S100Z: variants seen among roughly 807,000 people sequenced by gnomAD.
S100Z encodes S100 calcium binding protein Z.
Under a neutral mutation model 8.5 loss-of-function variants are expected in S100Z, and 11 were observed. The observed-to-expected ratio is 1.30, with a 90% CI of 0.82 to 2.15. The LOEUF (loss-of-function observed/expected upper bound fraction) is 2.15, where lower values mean the gene tolerates loss of function less well. S100Z is among the 30% of genes most tolerant of loss of function. S100Z has a pLI of 0.00. For synonymous variants in S100Z, 34 were observed against 43.8 expected, an observed-to-expected ratio of 0.78 and a Z score of 0.89; for missense variants, 126 against 117.9, an observed-to-expected ratio of 1.07 and a Z score of -0.32.
intron 4 of S100Z, among the ~76,000 whole-genome samples, chr5:76,898,176 G>A (rs1420998609): frequency 4.7e-5 from 7 of 149,924 alleles, no homozygotes; most frequent in Non-Finnish European, 1.5e-5. Context: ...TTGAGATGGA[G>A]TTTAGCTCTT....
chr5:76,922,589 G>A (rs1019900705), downstream of S100Z, among the ~76,000 whole-genome samples: 4 of 151,640 alleles, frequency 2.6e-5, no homozygotes, highest in East Asian at 1.9e-4. Context: ...GCAGTGGCAC[G>A]ATCGGCTGAC....
intron 3 of S100Z, among the ~76,000 whole-genome samples, chr5:76,876,786 A>G (rs973933853): frequency 6.6e-6 from 1 of 152,208 alleles, no homozygotes; most frequent in Non-Finnish European, 1.5e-5. Context: ...GTTTTGATCA[A>G]TTAAGTTTTT....
chr5:76,889,451 G>T (rs117535624), intron 4 of S100Z, among the ~76,000 whole-genome samples: 1 of 152,064 alleles, frequency 6.6e-6, no homozygotes, highest in East Asian at 1.9e-4. Context: ...TCGACATTTC[G>T]CAGGGGCCTT....
chr5:76,926,203 A>C (rs990997656), downstream of S100Z, among the ~76,000 whole-genome samples: 1 of 152,080 alleles, frequency 6.6e-6, no homozygotes, highest in Non-Finnish European at 1.5e-5. Context: ...GCCTAACTGC[A>C]GATATTAAGG....
At chr5:76,898,933 C>CTTTTTTTTT (rs56287065) in intron 4 of S100Z, among the ~76,000 whole-genome samples, 3 of 109,948 alleles carry the variant, frequency 2.7e-5, no homozygotes, top group African/African-American at 3.6e-5. Context: ...CTTTTCTTTT[C>CTTTTTTTTT]TTTTTTTTTT....
At chr5:76,857,694 T>A (rs373233580) in intron 1 of S100Z, among the ~76,000 whole-genome samples, 22 of 152,030 alleles carry the variant, frequency 1.4e-4, no homozygotes, top group African/African-American at 5.1e-4. Flanking sequence ...AGAGACGGGG[T>A]TTTGCCATGT....
At chr5:76,871,866 A>T (rs1436111085) in intron 2 of S100Z, among the ~76,000 whole-genome samples, 1 of 152,048 alleles carries the variant, frequency 6.6e-6, no homozygotes, top group African/African-American at 2.4e-5. Flanking sequence ...TAAGCCCCAT[A>T]CCCCTGCCTT....
chr5:76,883,843 T>G lies in S100Z; in HGVS notation c.*2+6009T>G, dbSNP rs536680269. ...GCCCAGTGGCCAGATTTCCAGCACT[T>G]GTAGCAAGCTCCTGGGGAAGGAGTT... On this transcript the variant is annotated intron_variant, in intron 4 of 4. Transcript: ENST00000317593. 7.2e-4 allele frequency among the ~76,000 whole-genome samples: 109 copies of G among 152,294 alleles called. 1 individual carries two copies. Among genetic ancestry groups the G allele is most frequent in the African/African-American group, 2.5e-3 (102 of 41,566 alleles).
At chr5:76,860,824 C>T (rs974217143) in intron 1 of S100Z, among the ~76,000 whole-genome samples, 12 of 152,174 alleles carry the variant, frequency 7.9e-5, no homozygotes, top group African/African-American at 2.9e-4. Flanking sequence ...GAAACAGCGC[C>T]TTCTCCTGTA....
chr5:76,900,736 T>A (rs183965471), intron 4 of S100Z, among the ~76,000 whole-genome samples: 1 of 151,690 alleles, frequency 6.6e-6, no homozygotes, highest in Admixed American at 6.6e-5. Context: ...CCCTGGTGAC[T>A]TATTTAGTTC....
intron 4 of S100Z, among the ~76,000 whole-genome samples, chr5:76,886,082 G>A (rs1263992106): frequency 3.3e-5 from 5 of 150,778 alleles, no homozygotes; most frequent in African/African-American, 1.2e-4. Flanking sequence ...GAGAAGGGGT[G>A]GAGACATGGA....
intron 2 of S100Z, among the ~76,000 whole-genome samples, chr5:76,871,684 G>C (rs1468506702): frequency 6.6e-6 from 1 of 151,852 alleles, no homozygotes; most frequent in Non-Finnish European, 1.5e-5. Context: ...CACCACACCC[G>C]GCTAATTTTT....
In S100Z at chr5:76,859,768, CAAAA is replaced by C. The variant is rs70982653; in HGVS notation, c.-176+9627_-176+9630del. ...TGCACTACAGCCAGGGCAACAGAGC[CAAAA>C]AAAAAAAAAAAAAGAAATAAGAAAA... is the stretch of plus-strand genomic sequence containing the variant. On this transcript the variant is annotated intron_variant, in intron 1 of 4. Coordinates refer to ENST00000317593, the MANE Select transcript of S100Z (RefSeq NM_130772.4). 1.2e-4 allele frequency among the ~76,000 whole-genome samples: 12 copies of C among 97,646 alleles called. No homozygotes were observed. The South Asian group carries it at 3.2e-3, about 26-fold the overall frequency. The allele number at this position is 97,646 out of a possible 152,430, so 64.1% of individuals were successfully genotyped here. A position where few individuals can be genotyped will look rare whatever the true frequency, so the allele number is the denominator to read the frequency against.
chr5:76,920,989 C>T lies in S100Z; in HGVS notation c.*275C>T, dbSNP rs898213035. The T allele has an allele frequency of 1.3e-5, 2 of 152,104 alleles. No homozygotes were observed. The highest frequency in any genetic ancestry group is 2.9e-5 in the Non-Finnish European group (2 of 68,016). 9.4% of individuals were successfully genotyped at this position (152,104 alleles called of 1,614,324 possible). A position where few individuals can be genotyped will look rare whatever the true frequency, so the allele number is the denominator to read the frequency against. On this transcript the variant is annotated 3_prime_UTR_variant, in exon 5 of 5. Coordinates refer to ENST00000317593, the MANE Select transcript of S100Z (RefSeq NM_130772.4). ...TCTGATTTTATCTTGAAATCCACAA[C>T]TTCCACAAAAAAGAAAAATCTTTTA...
At chr5:76,922,843 C>A (rs1057168703), downstream of S100Z, among the ~76,000 whole-genome samples, 1 of 152,034 alleles carries the variant, frequency 6.6e-6, no homozygotes, top group Non-Finnish European at 1.5e-5. Flanking sequence ...TTTAAGCAAC[C>A]ATCTAGCCCC....
At chr5:76,936,192 G>A in the S100Z span, among the ~76,000 whole-genome samples, 12 of 152,106 alleles carry the variant, frequency 7.9e-5, no homozygotes, top group East Asian at 1.5e-3. Flanking sequence ...TATCGTATGC[G>A]AGTAAAATGC....
chr5:76,891,143 G>A (rs371429621), intron 4 of S100Z, among the ~76,000 whole-genome samples: 10 of 152,206 alleles, frequency 6.6e-5, no homozygotes, highest in South Asian at 4.1e-4. Flanking sequence ...GATTACAGGC[G>A]TGAGCCACCA....
intron 2 of S100Z, among the ~76,000 whole-genome samples, chr5:76,872,377 A>G (rs1452044715): frequency 6.6e-6 from 1 of 151,650 alleles, no homozygotes; most frequent in Non-Finnish European, 1.5e-5. Context: ...AGTATTTCAC[A>G]GAGACAATGT....
the S100Z span, among the ~76,000 whole-genome samples, chr5:76,939,870 G>A: frequency 6.6e-6 from 1 of 151,738 alleles, no homozygotes; most frequent in South Asian, 2.1e-4. Flanking sequence ...AAAAAATCAG[G>A]TTTACTGGGC....
Sources: gnomAD v4.1 joint callset for allele counts (sites outside exome capture counted in the v4.1 genomes callset) on GRCh38, gnomAD v4.1.1 for gene constraint, MANE v1.5 for transcripts, NCBI Gene and HGNC (gene_info 2026-07-23, HGNC 2026-07-21) for gene names.